TRMT2B: variants seen among roughly 807,000 people sequenced by gnomAD.
TRMT2B encodes the protein tRNA methyltransferase 2B, also known as tRNA (uracil-5-)-methyltransferase homolog B.
Under a neutral mutation model 39.7 loss-of-function variants are expected in TRMT2B, and 34 were observed. The ratio of observed to expected loss-of-function variants is 0.86; its 90% CI spans 0.65 to 1.14. TRMT2B has a LOEUF of 1.14. TRMT2B is among the 50% of genes most tolerant of loss of function. The pLI is 0.00. For missense variants in TRMT2B, 318 were observed against 377.2 expected, an observed-to-expected ratio of 0.84 and a Z score of 1.30; for synonymous variants, 132 against 137.3, an observed-to-expected ratio of 0.96 and a Z score of 0.27.
the TRMT2B span, chrX:100,973,537 T>C: frequency 2.1e-6 from 2 of 936,199 alleles, no homozygotes; most frequent in South Asian, 2.3e-5. Context: ...ATAGACACAG[T>C]TGGATAGAAT....
the TRMT2B span, among the ~76,000 whole-genome samples, chrX:100,996,609 T>TCAAA: frequency 8.9e-6 from 1 of 112,052 alleles, no homozygotes; most frequent in African/African-American, 3.2e-5. Flanking sequence ...GGGAACTTGC[T>TCAAA]CAAACACAAT....
In TRMT2B at chrX:101,037,942, C is replaced by A; in HGVS notation, c.413G>T (p.Cys138Phe). ...TAVPKSERLS[C>F]LLHPIIPSPV... ...AGAGGGTATAATAGGATGGAGAAGACAAGAGAGCCTCTCAGATTTGGGTAC... is the reference window on the plus strand; with the variant it reads ...AGAGGGTATAATAGGATGGAGAAGAAAAGAGAGCCTCTCAGATTTGGGTAC... The change falls in exon 5 of 14, where the codon TGT becomes TTT. Residue 138 changes from cysteine (C) to phenylalanine (F), a missense_variant. Cys to Phe is a radical substitution (Grantham distance 205). Transcript: ENST00000372936. 1 of 1,210,790 alleles carries A rather than the reference C, an allele frequency of 8.3e-7. No individual in the cohort carries two copies. Among genetic ancestry groups the A allele is most frequent in the Non-Finnish European group, 1.1e-6 (1 of 895,018 alleles).
intron 7 of TRMT2B, among the ~76,000 whole-genome samples, chrX:101,028,329 G>T (rs2087245322): frequency 9.1e-6 from 1 of 109,376 alleles, no homozygotes; most frequent in African/African-American, 3.3e-5. Flanking sequence ...ATGTTGGCCA[G>T]GCTAGTCTCC....
intron 11 of TRMT2B, 119 bp from the exon 12 acceptor site, chrX:101,019,522 T>A: frequency 1.1e-6 from 1 of 906,550 alleles, no homozygotes; most frequent in Non-Finnish European, 1.5e-6. Flanking sequence ...CTAGCATCAC[T>A]CCAAGTAACA....
chrX:100,987,049 A>G, the TRMT2B span: 1 of 425,388 alleles, frequency 2.4e-6, no homozygotes, highest in Non-Finnish European at 4.1e-6. Context: ...CTTGATGGTG[A>G]TAATAAATAT....
chrX:100,994,525 CA>C, the TRMT2B span, among the ~76,000 whole-genome samples: 1 of 111,478 alleles, frequency 9.0e-6, no homozygotes, highest in Non-Finnish European at 1.9e-5. Context: ...GAATGGTTTT[CA>C]ATTCCTGCAC....
intron 13 of TRMT2B, among the ~76,000 whole-genome samples, chrX:101,011,262 C>T (rs2086241191): frequency 9.0e-6 from 1 of 111,542 alleles, no homozygotes; most frequent in African/African-American, 3.3e-5. Context: ...TATGCTATAG[C>T]CTATTTCTCC....
At chrX:100,988,684 G>A in the TRMT2B span, 4 of 446,010 alleles carry the variant, frequency 9.0e-6, no homozygotes, top group African/African-American at 8.1e-5. Flanking sequence ...TAGGAGAAAA[G>A]CACCTTCCTG....
intron 9 of TRMT2B, among the ~76,000 whole-genome samples, 166 bp from the exon 10 acceptor site, chrX:101,021,481 T>A (rs1432766724): frequency 9.0e-6 from 1 of 110,841 alleles, no homozygotes; most frequent in Non-Finnish European, 1.9e-5. Flanking sequence ...ATACAAAAAT[T>A]AGCCAGGTGT....
the TRMT2B span, chrX:100,986,944 C>T: frequency 4.2e-6 from 4 of 948,639 alleles, no homozygotes; most frequent in East Asian, 1.3e-4. Context: ...TGGAGCCCAG[C>T]TGATGCAGCC....
At chrX:100,987,273 C>T in the TRMT2B span, 1 of 732,898 alleles carries the variant, frequency 1.4e-6, no homozygotes, top group African/African-American at 2.2e-5. Context: ...CTCAGAGCCT[C>T]TCTAGGCATA....
chrX:101,012,380 G>C (rs1221902324), intron 13 of TRMT2B, among the ~76,000 whole-genome samples: 1 of 108,638 alleles, frequency 9.2e-6, no homozygotes, highest in Non-Finnish European at 1.9e-5. Context: ...GTGCAGGTTA[G>C]TTACATATGT....
chrX:101,049,487 CAAAAAAAAAAAAAA>C (rs1168727839), intron 2 of TRMT2B, among the ~76,000 whole-genome samples: 1 of 21,641 alleles, frequency 4.6e-5, no homozygotes, highest in Non-Finnish European at 7.1e-5. Flanking sequence ...ACCCTGTCTC[CAAAAAAAAAAAAAA>C]AAAAAAAAAA....
the TRMT2B span, chrX:100,985,843 C>T: frequency 9.9e-6 from 12 of 1,211,179 alleles, no homozygotes; most frequent in Admixed American, 2.2e-5. Flanking sequence ...TGACATAAGA[C>T]GCATGCAGGA....
At chrX:101,046,923 T>TC (rs1209378836) in intron 2 of TRMT2B, among the ~76,000 whole-genome samples, 1 of 103,677 alleles carries the variant, frequency 9.6e-6, no homozygotes, top group Non-Finnish European at 1.9e-5. Context: ...CGAAACTCCG[T>TC]CCCCCCAGCA....
intron 2 of TRMT2B, among the ~76,000 whole-genome samples, chrX:101,044,890 C>A (rs766479304): frequency 1.9e-5 from 2 of 102,751 alleles, no homozygotes; most frequent in African/African-American, 7.2e-5. Flanking sequence ...ATTAGCCAGG[C>A]ATGTTGGCAA....
the TRMT2B span, among the ~76,000 whole-genome samples, chrX:100,999,818 C>A: frequency 1.8e-5 from 2 of 112,107 alleles, no homozygotes; most frequent in South Asian, 3.7e-4. Flanking sequence ...ATGTTTGGGC[C>A]ACACCCCAGA....
intron 7 of TRMT2B, among the ~76,000 whole-genome samples, chrX:101,034,077 G>A (rs1391178160): frequency 1.6e-4 from 17 of 108,980 alleles, no homozygotes; most frequent in African/African-American, 5.7e-4. Context: ...CCTGACCTCA[G>A]GTGATCTGCC....
the TRMT2B span, chrX:100,986,817 GAAGA>G: frequency 8.3e-7 from 1 of 1,199,781 alleles, no homozygotes; most frequent in Non-Finnish European, 1.1e-6. Flanking sequence ...AACAAGACAA[GAAGA>G]AAGCCCTCAT....
Sources: allele counts gnomAD v4.1 joint callset (sites outside exome capture counted in the v4.1 genomes callset), GRCh38; gene constraint gnomAD v4.1.1; transcripts MANE v1.5; gene names NCBI Gene and HGNC (gene_info 2026-07-23, HGNC 2026-07-21).